The following SLC35F1 variants were observed in gnomAD, a reference collection of about 807,000 sequenced individuals.
SLC35F1 encodes chromosome 6 open reading frame 169.
SLC35F1 carries 14 observed loss-of-function variants against 48.7 expected under a neutral mutation model. The observed-to-expected ratio is 0.29, with a 90% confidence interval of 0.19 to 0.45. The LOEUF is 0.45. SLC35F1 is among the 20% of genes least tolerant of loss of function. The probability of loss-of-function intolerance (pLI) is 1.00; values close to 1 mark genes in which losing one functional copy is unlikely to be tolerated. For missense variants in SLC35F1, 404 were observed against 500.0 expected (o/e 0.81, Z 1.83); for synonymous variants, 190 against 202.2 (o/e 0.94, Z 0.51).
chr6:118,074,180 C>T (rs562674468), intron 1 of SLC35F1, among the ~76,000 whole-genome samples: 4 of 152,314 alleles, frequency 2.6e-5, no homozygotes, highest in East Asian at 1.9e-4. Flanking sequence ...TGCATCCCTT[C>T]TAGTCCCTGA....
At chr6:118,083,189 G>T (rs1176618049) in intron 1 of SLC35F1, among the ~76,000 whole-genome samples, 1 of 152,108 alleles carries the variant, frequency 6.6e-6, no homozygotes, top group African/African-American at 2.4e-5. Context: ...TGTTTCTAAT[G>T]GCCCATTGGG....
chr6:118,087,927 G>A (rs1169342949), intron 1 of SLC35F1, among the ~76,000 whole-genome samples: 1 of 152,032 alleles, frequency 6.6e-6, no homozygotes, highest in Non-Finnish European at 1.5e-5. Flanking sequence ...ACTTGGTTTG[G>A]ACCCAGAAAC....
At chr6:117,943,101 A>T (rs1441239565) in intron 1 of SLC35F1, among the ~76,000 whole-genome samples, 2 of 152,040 alleles carry the variant, frequency 1.3e-5, no homozygotes, top group Non-Finnish European at 1.5e-5. Flanking sequence ...TCCATTTTGG[A>T]TTGGGTCTTG....
intron 2 of SLC35F1, among the ~76,000 whole-genome samples, chr6:118,221,258 T>G (rs1387716281): frequency 1.3e-5 from 2 of 152,088 alleles, no homozygotes; most frequent in Non-Finnish European, 2.9e-5. Context: ...CAAGCATAGA[T>G]CGCTTTGTCT....
At chr6:117,981,726 T>A (rs533225115) in intron 1 of SLC35F1, among the ~76,000 whole-genome samples, 24 of 152,348 alleles carry the variant, frequency 1.6e-4, no homozygotes, top group Admixed American at 1.4e-3. Flanking sequence ...GGAGTTAATG[T>A]TAAGCTTTAC....
At chr6:118,097,771 C>T (rs973097776) in intron 1 of SLC35F1, among the ~76,000 whole-genome samples, 19 of 152,278 alleles carry the variant, frequency 1.2e-4, no homozygotes, top group Middle Eastern at 3.4e-3. Flanking sequence ...TATCCTAGTC[C>T]GTTAAAAATA....
At chr6:118,269,067 T>C (rs1775817950) in intron 4 of SLC35F1, among the ~76,000 whole-genome samples, 1 of 152,232 alleles carries the variant, frequency 6.6e-6, no homozygotes, top group African/African-American at 2.4e-5. Context: ...ACTATAAAGA[T>C]GAACATTTAA....
intron 1 of SLC35F1, among the ~76,000 whole-genome samples, chr6:118,021,597 T>C (rs1434812292): frequency 6.6e-6 from 1 of 152,162 alleles, no homozygotes; most frequent in African/African-American, 2.4e-5. Context: ...TTGCTAAGGA[T>C]GGTTAGTGTC....
intron 1 of SLC35F1, among the ~76,000 whole-genome samples, chr6:117,965,890 G>A (rs777228480): frequency 1.3e-5 from 2 of 151,798 alleles, no homozygotes; most frequent in South Asian, 2.1e-4. Context: ...CTAACTGATC[G>A]GGTAGGGGAC....
chr6:118,295,486 A>G (rs996207780), intron 7 of SLC35F1, among the ~76,000 whole-genome samples: 1 of 152,200 alleles, frequency 6.6e-6, no homozygotes, highest in Non-Finnish European at 1.5e-5. Context: ...GGAAACTTTC[A>G]TTAAGAGTGG....
chr6:118,120,924 C>CT (rs139099924), intron 1 of SLC35F1, among the ~76,000 whole-genome samples: 1 of 151,970 alleles, frequency 6.6e-6, no homozygotes, highest in East Asian at 1.9e-4. Flanking sequence ...GCATGATCAT[C>CT]TTTTTTTCTT....
rs551640789 is a variant in SLC35F1, at chr6:118,194,970, C to A, written c.349+40350C>A. ...TTGTAAGATGCTGTCCAAGGAGTTT[C>A]ATCCGGTAACCAAATTAACATTTTC... On this transcript the variant is annotated intron_variant, in intron 2 of 7. Transcript: ENST00000360388. Among the ~76,000 whole-genome samples, 61 of 152,270 alleles carry A rather than the reference C, an allele frequency of 4.0e-4. 2 individuals are homozygous for A. The highest frequency in any genetic ancestry group is 7.2e-4 in the Non-Finnish European group (49 of 68,028).
At chr6:118,175,186 A>G (rs205945) in intron 2 of SLC35F1, among the ~76,000 whole-genome samples, 25,038 of 152,128 alleles carry the variant, frequency 0.16, 5,818 homozygotes, top group African/African-American at 0.52. Context: ...AGTCCATATC[A>G]AAGTATAGAA....
intron 1 of SLC35F1, among the ~76,000 whole-genome samples, chr6:117,982,244 C>T (rs759355432): frequency 2.6e-5 from 4 of 152,074 alleles, no homozygotes; most frequent in Admixed American, 2.0e-4. Flanking sequence ...TCTAACTTTA[C>T]TGGGTGTATT....
chr6:118,119,319 A>T (rs575181436), intron 1 of SLC35F1, among the ~76,000 whole-genome samples: 2 of 152,312 alleles, frequency 1.3e-5, no homozygotes, highest in African/African-American at 4.8e-5. Flanking sequence ...TGTCTAGAAC[A>T]TGATAATTTT....
At chr6:118,162,481 A>G (rs1774251025) in intron 2 of SLC35F1, among the ~76,000 whole-genome samples, 1 of 151,984 alleles carries the variant, frequency 6.6e-6, no homozygotes, top group Non-Finnish European at 1.5e-5. Flanking sequence ...ATTTGTTGAA[A>G]CTCTTCAAAC....
intron 1 of SLC35F1, among the ~76,000 whole-genome samples, chr6:117,985,815 C>T (rs1776840935): frequency 6.6e-6 from 1 of 152,168 alleles, no homozygotes; most frequent in South Asian, 2.1e-4. Context: ...AATATGCATG[C>T]ACTTAAGTTG....
At chr6:118,267,998 G>C (rs1346518591) in intron 4 of SLC35F1, among the ~76,000 whole-genome samples, 2 of 152,078 alleles carry the variant, frequency 1.3e-5, no homozygotes, top group Non-Finnish European at 2.9e-5. Context: ...ATAGTTCTTG[G>C]AATTGCCCCT....
At chr6:117,989,421 TGG>T (rs1776889355) in intron 1 of SLC35F1, among the ~76,000 whole-genome samples, 1 of 152,194 alleles carries the variant, frequency 6.6e-6, no homozygotes, top group Admixed American at 6.5e-5. Context: ...GCATGTGAAG[TGG>T]CATGTCTGGG....
Sources: allele counts gnomAD v4.1 joint callset (sites outside exome capture counted in the v4.1 genomes callset), GRCh38; gene constraint gnomAD v4.1.1; transcripts MANE v1.5; gene names NCBI Gene and HGNC (gene_info 2026-07-23, HGNC 2026-07-21).